GBE1: variants seen among roughly 807,000 people sequenced by gnomAD.
The protein encoded by GBE1 is 1,4-alpha-glucan-branching enzyme.
A neutral mutation model predicts 88.8 loss-of-function variants in GBE1; 70 were observed. The ratio of observed to expected loss-of-function variants is 0.79; its 90% CI spans 0.65 to 0.96. The LOEUF is 0.96. Ranked by LOEUF, GBE1 falls within the 40% of genes least tolerant of loss-of-function variation. The pLI, the probability that GBE1 is intolerant of heterozygous loss-of-function variation, is 0.00. For missense variants in GBE1, 872 were observed against 871.0 expected (o/e 1.00, Z -0.01); for synonymous variants, 284 against 300.1 (o/e 0.95, Z 0.56).
chr3:81,567,968 A>G (rs568843706), intron 12 of GBE1, among the ~76,000 whole-genome samples: 1 of 151,974 alleles, frequency 6.6e-6, no homozygotes, highest in Non-Finnish European at 1.5e-5. Flanking sequence ...TGCCTTTCCT[A>G]TTTCTTGAGT....
At chr3:81,535,372 T>G in intron 13 of GBE1, 47 bp from the exon 14 acceptor site, 1 of 1,532,936 alleles carries the variant, frequency 6.5e-7, no homozygotes, top group Non-Finnish European at 8.8e-7. Context: ...ACCTAGATGC[T>G]GCTACAAGTA....
chr3:81,595,277 T>G (rs1703942671), intron 7 of GBE1, among the ~76,000 whole-genome samples: 1 of 151,860 alleles, frequency 6.6e-6, no homozygotes, highest in Non-Finnish European at 1.5e-5. Context: ...GGGGAAATCC[T>G]GTTTAACAGA....
chr3:81,578,735 A>G (rs1471233575), intron 11 of GBE1, among the ~76,000 whole-genome samples: 1 of 152,004 alleles, frequency 6.6e-6, no homozygotes, highest in Non-Finnish European at 1.5e-5. Context: ...TGCCCTGAGT[A>G]ACAGCAGAGA....
rs1327706640 is a variant in GBE1, at chr3:81,733,002, C to G, written c.144-27389G>C. Among the ~76,000 whole-genome samples, 1 of 152,098 alleles carries G rather than the reference C, an allele frequency of 6.6e-6. No homozygotes were observed. Among genetic ancestry groups the G allele is most frequent in the East Asian group, 1.9e-4 (1 of 5,194 alleles). ...TTCCTGAATACTCTAGGCCAGGGGT[C>G]CCCACCGGTCCATGGCCTGTTAGGA... On this transcript the variant is annotated intron_variant, in intron 1 of 15. Transcript: ENST00000429644. The surrounding 1 kb of genome is among the most constrained non-coding windows in gnomAD (Gnocchi z 4.0).
intron 1 of GBE1, among the ~76,000 whole-genome samples, chr3:81,755,887 T>C (rs1309162795): frequency 1.3e-5 from 2 of 152,152 alleles, no homozygotes; most frequent in African/African-American, 4.8e-5. Flanking sequence ...TGAACTGTGG[T>C]TAAAAATGGT....
At chr3:81,644,594 C>T (rs1199377967) in intron 6 of GBE1, among the ~76,000 whole-genome samples, 1 of 152,132 alleles carries the variant, frequency 6.6e-6, no homozygotes, top group Non-Finnish European at 1.5e-5. Context: ...TGCTTTTATT[C>T]TGAAGGAGAC....
chr3:81,574,979 A>G (rs902486693), intron 12 of GBE1, among the ~76,000 whole-genome samples: 2 of 152,116 alleles, frequency 1.3e-5, no homozygotes, highest in East Asian at 3.9e-4. Flanking sequence ...CCTGTCTAAC[A>G]CGGTGAAACA....
At chr3:81,600,265 C>CAAAT (rs71277596) in intron 7 of GBE1, among the ~76,000 whole-genome samples, 19,192 of 151,364 alleles carry the variant, frequency 0.13, 1,690 homozygotes, top group East Asian at 0.33. Context: ...GTCTCAAAAA[C>CAAAT]AAATAAATAA....
At chr3:81,691,694 G>T (rs1254405508) in intron 2 of GBE1, among the ~76,000 whole-genome samples, 3 of 152,138 alleles carry the variant, frequency 2.0e-5, no homozygotes, top group Admixed American at 2.0e-4. Context: ...CAGAAGAACT[G>T]CTGGAACCCA....
chr3:81,571,610 A>G (rs1227864483), intron 12 of GBE1, among the ~76,000 whole-genome samples: 1 of 152,190 alleles, frequency 6.6e-6, no homozygotes, highest in African/African-American at 2.4e-5. Context: ...GCTCTTCTAT[A>G]ACACTACAAT....
At chr3:81,697,654 T>C (rs542416663) in intron 2 of GBE1, among the ~76,000 whole-genome samples, 16 of 152,146 alleles carry the variant, frequency 1.1e-4, no homozygotes, top group Non-Finnish European at 2.2e-4. Flanking sequence ...TGTGTTCAGC[T>C]ATCAGGAAGC....
intron 7 of GBE1, among the ~76,000 whole-genome samples, chr3:81,639,190 T>A (rs2107051849): frequency 6.6e-6 from 1 of 152,294 alleles, no homozygotes; most frequent in South Asian, 2.1e-4. Flanking sequence ...TGTATTTCTA[T>A]GCATGTAAGG....
In GBE1 at chr3:81,705,553, CTT is replaced by C. The variant is rs1705761854; in HGVS notation, c.202_203del (p.Lys68ValfsTer6). The part of the protein sequence containing the change: ...NIGENEGGID[K>X]FSRGYESFGV... ...CAAATGATTCATAGCCTCTGGAAAA[CTT>C]ATCAATACCACCTTCATTTTCTCCA... On this transcript the variant is annotated frameshift_variant, in exon 2 of 16. Coordinates refer to ENST00000429644, the MANE Select transcript of GBE1 (RefSeq NM_000158.4). LOFTEE classifies it high-confidence loss of function. 1 of 1,591,108 alleles carries C rather than the reference CTT, an allele frequency of 6.3e-7. No individual in the cohort carries two copies. The highest frequency in any genetic ancestry group is 1.1e-5 in the South Asian group (1 of 87,426).
At chr3:81,761,057 C>T (rs1706673944) in intron 1 of GBE1, among the ~76,000 whole-genome samples, 1 of 152,226 alleles carries the variant, frequency 6.6e-6, no homozygotes, top group African/African-American at 2.4e-5. Context: ...GAGTCACTCC[C>T]CAGCAGCACT....
intron 1 of GBE1, among the ~76,000 whole-genome samples, chr3:81,748,305 A>C (rs1706446130): frequency 6.6e-6 from 1 of 152,220 alleles, no homozygotes; most frequent in South Asian, 2.1e-4. Context: ...CTATATACCT[A>C]TTAGTTAACA....
intron 12 of GBE1, among the ~76,000 whole-genome samples, chr3:81,564,106 G>A (rs543081375): frequency 4.6e-5 from 7 of 152,176 alleles, no homozygotes; most frequent in Admixed American, 2.0e-4. Flanking sequence ...CTTACATCAC[G>A]AATGGAACTA....
At chr3:81,507,688 G>A (rs1471236639) in intron 14 of GBE1, among the ~76,000 whole-genome samples, 1 of 144,052 alleles carries the variant, frequency 6.9e-6, no homozygotes, top group African/African-American at 2.5e-5. Context: ...ATATATATAT[G>A]TGTATATATA....
chr3:81,755,584 C>T lies in GBE1; in HGVS notation c.143+5791G>A, dbSNP rs370648492. On this transcript the variant is annotated intron_variant, in intron 1 of 15. Transcript: ENST00000429644. ...TGGAATTAACCTAAGTGCTTATCAA[C>T]GGATGAATGGATAAAGAAACTACAG... Among the ~76,000 whole-genome samples, 25 of 152,100 alleles carry T rather than the reference C, an allele frequency of 1.6e-4. 1 individual carries two copies. Among genetic ancestry groups the T allele is most frequent in the African/African-American group, 2.9e-4 (12 of 41,508 alleles).
At chr3:81,524,052 T>C (rs1163963223) in intron 14 of GBE1, among the ~76,000 whole-genome samples, 2 of 151,826 alleles carry the variant, frequency 1.3e-5, no homozygotes, top group Non-Finnish European at 2.9e-5. Context: ...GTTATATTTT[T>C]AGCTTTTCTG....
Sources: allele counts gnomAD v4.1 joint callset (sites outside exome capture counted in the v4.1 genomes callset), GRCh38; gene constraint gnomAD v4.1.1; non-coding constraint Gnocchi (gnomAD v3.1); transcripts MANE v1.5; gene names NCBI Gene and HGNC (gene_info 2026-07-23, HGNC 2026-07-21).